KLHL3: variants seen among roughly 807,000 people sequenced by gnomAD.
KLHL3 encodes kelch-like protein 3.
Under a neutral mutation model 70.5 loss-of-function variants are expected in KLHL3, and 19 were observed. The ratio of observed to expected loss-of-function variants is 0.27; its 90% CI spans 0.19 to 0.40. The LOEUF (loss-of-function observed/expected upper bound fraction) is 0.40. Among genes scored for constraint, KLHL3 ranks in the 10% least tolerant of loss-of-function variants. The pLI is 1.00. For synonymous variants in KLHL3, 258 were observed against 290.3 expected (o/e 0.89, Z 1.13); for missense variants, 512 against 771.1 (o/e 0.66, Z 3.98).
At chr5:137,685,111 C>G (rs1004600061) in intron 5 of KLHL3, among the ~76,000 whole-genome samples, 12 of 152,222 alleles carry the variant, frequency 7.9e-5, no homozygotes, top group African/African-American at 2.7e-4. Flanking sequence ...AATAAAGTCA[C>G]ATTTGTTTAG....
Position 137,714,147 on chromosome 5 carries a change from T to C in KLHL3, c.135-4291A>G, listed in dbSNP as rs955280420. On this transcript the variant is annotated intron_variant, in intron 2 of 14. Coordinates refer to ENST00000309755, the MANE Select transcript of KLHL3 (RefSeq NM_017415.3). ...ATCAAAACCACAACAAGATACCACCTTACACTCACTAGAATGGCTATAATC... is the reference window on the plus strand; with the variant it reads ...ATCAAAACCACAACAAGATACCACCCTACACTCACTAGAATGGCTATAATC... Among the ~76,000 whole-genome samples, 7 of 151,308 alleles carry C rather than the reference T, an allele frequency of 4.6e-5. No individual in the cohort carries two copies. In the South Asian group the frequency reaches 1.5e-3, roughly 32 times the overall value.
At chr5:137,715,228 A>T (rs1752871248) in intron 2 of KLHL3, among the ~76,000 whole-genome samples, 2 of 152,238 alleles carry the variant, frequency 1.3e-5, no homozygotes, top group African/African-American at 4.8e-5. Context: ...AGAATAGGAA[A>T]CTCATGAATT....
intron 14 of KLHL3, among the ~76,000 whole-genome samples, chr5:137,623,909 A>G (rs757070666): frequency 7.2e-5 from 11 of 152,172 alleles, no homozygotes; most frequent in Non-Finnish European, 8.8e-5. Context: ...TCCAATATCC[A>G]TCTGTAGAAG....
At chr5:137,671,147 C>T (rs556046397) in intron 6 of KLHL3, among the ~76,000 whole-genome samples, 18 of 152,218 alleles carry the variant, frequency 1.2e-4, no homozygotes, top group African/African-American at 4.3e-4. Flanking sequence ...CCATTCTCCA[C>T]GGTCCTTGAT....
intron 2 of KLHL3, among the ~76,000 whole-genome samples, chr5:137,713,358 T>C (rs182496265): frequency 2.6e-5 from 4 of 152,128 alleles, no homozygotes; most frequent in Admixed American, 2.0e-4. Context: ...TAAAATAAAA[T>C]TGAGAGTCCA....
At chr5:137,735,537 G>T in intron 1 of KLHL3, 96 bp downstream of exon 1, 2 of 950,236 alleles carry the variant, frequency 2.1e-6, no homozygotes, top group Non-Finnish European at 3.5e-6. Flanking sequence ...TTCCAACTCT[G>T]CCTAGCCAAT....
intron 6 of KLHL3, among the ~76,000 whole-genome samples, chr5:137,676,062 T>G (rs1311317774): frequency 6.6e-6 from 1 of 152,186 alleles, no homozygotes; most frequent in Non-Finnish European, 1.5e-5. Flanking sequence ...AAGGGTCCTA[T>G]GCACACACAC....
chr5:137,643,757 C>T (rs796343982), intron 8 of KLHL3, among the ~76,000 whole-genome samples: 41 of 152,274 alleles, frequency 2.7e-4, no homozygotes, highest in African/African-American at 7.9e-4. Context: ...ATCCTCTCTT[C>T]TAGCTATTTT....
At chr5:137,710,045 A>G (rs1240230153) in intron 2 of KLHL3, among the ~76,000 whole-genome samples, 189 bp from the exon 3 acceptor site, 1 of 152,126 alleles carries the variant, frequency 6.6e-6, no homozygotes, top group African/African-American at 2.4e-5. Flanking sequence ...GATAAACCTG[A>G]CATTCATGCT....
At chr5:137,643,891 C>T (rs1317840601) in intron 8 of KLHL3, among the ~76,000 whole-genome samples, 1 of 152,108 alleles carries the variant, frequency 6.6e-6, no homozygotes, top group African/African-American at 2.4e-5. Context: ...CCTCCCTCCT[C>T]CCTTCCCCAG....
Position 137,735,716 on chromosome 5 carries a change from G to A in KLHL3, c.-70C>T. ...ACTCGGGGATCCTAGTTCTGTTCTT[G>A]ATTCTCCCAGCAGACCAGTGGGAAA... is the stretch of plus-strand genomic sequence containing the variant. On this transcript the variant is annotated 5_prime_UTR_variant, in exon 1 of 15. Transcript: ENST00000309755. 1 of 1,612,188 alleles carries A rather than the reference G, an allele frequency of 6.2e-7. No homozygotes were observed. Among genetic ancestry groups the A allele is most frequent in the Non-Finnish European group, 8.5e-7 (1 of 1,178,254 alleles).
At chr5:137,706,105 G>C in intron 3 of KLHL3, 3 of 985,340 alleles carry the variant, frequency 3.0e-6, no homozygotes, top group Non-Finnish European at 3.6e-6. Flanking sequence ...AGAAGTGTGG[G>C]ATTGGTATTT....
intron 8 of KLHL3, among the ~76,000 whole-genome samples, chr5:137,652,194 T>C (rs570519759): frequency 1.3e-5 from 2 of 151,760 alleles, no homozygotes; most frequent in East Asian, 1.9e-4. Context: ...CAGAAAAAAA[T>C]TGAAAAATTA....
rs544959876 is a variant in KLHL3 at position 137,679,556 on chromosome 5, G to A, written c.527-1902C>T. Among the ~76,000 whole-genome samples the A allele has an allele frequency of 3.3e-5, 5 of 152,318 alleles. No individual in the cohort carries two copies. In the East Asian group the frequency reaches 7.7e-4, roughly 24 times the overall value. On this transcript the variant is annotated intron_variant, in intron 5 of 14. Coordinates refer to ENST00000309755, the MANE Select transcript of KLHL3 (RefSeq NM_017415.3). The stretch of plus-strand genomic sequence containing the variant: ...TGAAATAAAAATTTCCTTAGAGCTC[G>A]TAAGACTGTAGATAGGCTTAGATTT...
rs375754476 is a variant in KLHL3 at position 137,628,358 on chromosome 5, G to A, written c.1530C>T (p.Tyr510=). 480 of 1,613,920 alleles carry A rather than the reference G, an allele frequency of 3.0e-4. 1 individual carries two copies. Among genetic ancestry groups the A allele is most frequent in the Non-Finnish European group, 3.7e-4 (439 of 1,180,016 alleles). The change falls in exon 13 of 15, where the codon TAC becomes TAT. Residue 510 remains tyrosine, a synonymous_variant. Coordinates refer to ENST00000309755, the MANE Select transcript of KLHL3 (RefSeq NM_017415.3). ...GCTTCCAGGTATTTGTTCCAGGATC[G>A]TAAACCTCAACGCTCTTCCTCACCA... ...GPLVRKSVEV[Y]DPGTNTWKQV...
At chr5:137,668,989 C>T (rs1258189318) in intron 6 of KLHL3, among the ~76,000 whole-genome samples, 1 of 151,830 alleles carries the variant, frequency 6.6e-6, no homozygotes, top group Non-Finnish European at 1.5e-5. Flanking sequence ...TCTTTCTGAC[C>T]ATACCATCAC....
At chr5:137,626,486 G>A (rs1750464436) in intron 13 of KLHL3, among the ~76,000 whole-genome samples, 1 of 152,178 alleles carries the variant, frequency 6.6e-6, no homozygotes, top group Non-Finnish European at 1.5e-5. Context: ...ATACAGCAGG[G>A]TCTAAGGCAT....
intron 5 of KLHL3, among the ~76,000 whole-genome samples, chr5:137,690,410 C>T (rs1428160636): frequency 6.6e-6 from 1 of 151,862 alleles, no homozygotes; most frequent in Non-Finnish European, 1.5e-5. Flanking sequence ...AAAGGCTTCA[C>T]TGGGAGCCCT....
intron 2 of KLHL3, among the ~76,000 whole-genome samples, chr5:137,711,332 GA>G (rs1350440790): frequency 1.3e-5 from 2 of 152,228 alleles, no homozygotes; most frequent in African/African-American, 4.8e-5. Flanking sequence ...GAAACTCAGA[GA>G]GGTGAAAAGA....
Sources: allele counts gnomAD v4.1 joint callset (sites outside exome capture counted in the v4.1 genomes callset), GRCh38; gene constraint gnomAD v4.1.1; transcripts MANE v1.5; gene names NCBI Gene and HGNC (gene_info 2026-07-23, HGNC 2026-07-21).